Variants in MEPE observed in about 807,000 individuals in gnomAD.
MEPE encodes matrix, extracellular phosphoglycoprotein with ASARM motif (bone).
In MEPE, 7 loss-of-function variants were observed where a neutral mutation model predicts 7.3. The ratio of observed to expected loss-of-function variants is 0.95; its 90% CI spans 0.54 to 1.79. MEPE has a LOEUF of 1.79. Among genes scored for constraint, MEPE ranks in the 40% most tolerant of loss-of-function variants. The pLI is 0.00. For synonymous variants in MEPE, 214 were observed against 213.1 expected (o/e 1.00, Z -0.04); for missense variants, 623 against 628.2 (o/e 0.99, Z 0.09).
At chr4:87,829,085 C>T (rs1181196071), upstream of MEPE, among the ~76,000 whole-genome samples, 2 of 152,076 alleles carry the variant, frequency 1.3e-5, no homozygotes, top group African/African-American at 2.4e-5. Flanking sequence ...AATTTCAACA[C>T]AGAGGGCAAG....
intron 3 of MEPE, among the ~76,000 whole-genome samples, chr4:87,843,061 T>A (rs1047085778): frequency 1.3e-5 from 2 of 152,196 alleles, no homozygotes; most frequent in Admixed American, 1.3e-4. Flanking sequence ...AACATTCCAG[T>A]CCATTTTAGT....
chr4:87,838,679 G>A lies in MEPE; in HGVS notation c.102G>A (p.Glu34=), dbSNP rs555535372. Residue 34 remains glutamate (E), a synonymous_variant, in exon 3 of 4, where the codon GAG becomes GAA. Coordinates refer to ENST00000361056, the MANE Select transcript of MEPE (RefSeq NM_020203.6). ...TEKTKQSCVE[E]QRQEEKNKDN... is the part of the protein sequence containing the mutation. Reference sequence around the variant, plus strand: ...AAACTAAGCAAAGCTGTGTGGAAGAGCAGAGGGTAAACAGAATTCATCTTT... The same window carrying A: ...AAACTAAGCAAAGCTGTGTGGAAGAACAGAGGGTAAACAGAATTCATCTTT... 3.7e-6 allele frequency: 6 copies of A among 1,613,056 alleles called. No homozygotes were observed. The East Asian group carries it at 1.1e-4, about 30-fold the overall frequency.
upstream of MEPE, among the ~76,000 whole-genome samples, chr4:87,832,490 G>T (rs534214261): frequency 6.6e-6 from 1 of 151,970 alleles, no homozygotes; most frequent in Non-Finnish European, 1.5e-5. Flanking sequence ...CTCCCTTATT[G>T]GATTCTAAGC....
chr4:87,837,068 C>T (rs1413613687), intron 2 of MEPE, among the ~76,000 whole-genome samples: 2 of 152,140 alleles, frequency 1.3e-5, no homozygotes, highest in African/African-American at 4.8e-5. Flanking sequence ...TGCCAGAGTC[C>T]AGTCCAGAAA....
At position 87,833,009 on chromosome 4, in the gene MEPE, T is replaced by C. The variant is rs1002917147; in HGVS notation, c.-18T>C. The C allele has an allele frequency of 1.3e-5, 2 of 152,216 alleles. No individual in the cohort carries two copies. The highest frequency in any genetic ancestry group is 2.9e-5 in the Non-Finnish European group (2 of 68,036). The allele number at this position is 152,216 out of a possible 1,614,324, so 9.4% of individuals were successfully genotyped here. A position where few individuals can be genotyped will look rare whatever the true frequency, so the allele number is the denominator to read the frequency against. ...AGCCAGGTATTCTGAAGGTGAAAGA[T>C]ACCAGGTAATTTGGCTTTCATGTTC... On this transcript the variant is annotated 5_prime_UTR_variant, in exon 1 of 4. Coordinates refer to ENST00000361056, the MANE Select transcript of MEPE (RefSeq NM_020203.6).
intron 1 of MEPE, among the ~76,000 whole-genome samples, chr4:87,823,775 A>G (rs1722400383): frequency 6.6e-6 from 1 of 152,182 alleles, no homozygotes; most frequent in Non-Finnish European, 1.5e-5. Flanking sequence ...TTTCTTTTGA[A>G]AAGGAAAATC....
At chr4:87,826,420 T>C (rs112098583) in intron 1 of MEPE, among the ~76,000 whole-genome samples, 10,413 of 151,794 alleles carry the variant, frequency 0.069, 481 homozygotes, top group African/African-American at 0.13. Context: ...TGTTTTTTTT[T>C]GCTAGAGATG....
At chr4:87,824,255 T>C (rs1408519457) in intron 1 of MEPE, among the ~76,000 whole-genome samples, 1 of 152,242 alleles carries the variant, frequency 6.6e-6, no homozygotes, top group Non-Finnish European at 1.5e-5. Context: ...AGAACTAACC[T>C]ACAGCTAGAA....
rs146347424 is a variant in MEPE at position 87,843,735 on chromosome 4, T to C, written c.109-1242T>C. Among the ~76,000 whole-genome samples, 123 of 152,326 alleles carry C rather than the reference T, an allele frequency of 8.1e-4. 1 individual carries two copies. The highest frequency in any genetic ancestry group is 2.8e-3 in the African/African-American group (115 of 41,574). On this transcript the variant is annotated intron_variant, in intron 3 of 3. Coordinates refer to ENST00000361056, the MANE Select transcript of MEPE (RefSeq NM_020203.6). ...CTAATAGCTAAAATAGTTATTTAAATAAATCAGTCTCTTTTAGTTAAAAAT... is the reference window on the plus strand; with the variant it reads ...CTAATAGCTAAAATAGTTATTTAAACAAATCAGTCTCTTTTAGTTAAAAAT...
At chr4:87,828,829 C>T (rs1722532617), upstream of MEPE, among the ~76,000 whole-genome samples, 2 of 152,258 alleles carry the variant, frequency 1.3e-5, no homozygotes, top group South Asian at 4.1e-4. Flanking sequence ...GTGGAGGTGT[C>T]CATTTTTGAA....
chr4:87,832,202 C>G (rs974278299), upstream of MEPE, among the ~76,000 whole-genome samples: 1 of 152,092 alleles, frequency 6.6e-6, no homozygotes, highest in Admixed American at 6.6e-5. Flanking sequence ...GCCTTCATGA[C>G]TTAATCACCT....
At chr4:87,844,951 A>C (rs1723153528) in intron 3 of MEPE, 26 bp from the exon 4 acceptor site, 1 of 1,461,922 alleles carries the variant, frequency 6.8e-7, no homozygotes, top group Non-Finnish European at 9.1e-7. Flanking sequence ...TAAAATAATC[A>C]CTTCATATTG....
In MEPE at chr4:87,846,023, A is replaced by G; in HGVS notation, c.1155A>G (p.Glu385=). ...PPAPSKEKRK[E]GSSDAAESTN... ...CACCCTCAAAAGAGAAAAGAAAAGA[A>G]GGCAGTAGTGATGCAGCTGAAAGTA... Residue 385 remains glutamate (E), a synonymous_variant, in exon 4 of 4, where the codon GAA becomes GAG. Coordinates refer to ENST00000361056, the MANE Select transcript of MEPE (RefSeq NM_020203.6). The G allele has an allele frequency of 6.2e-7, 1 of 1,614,088 alleles. No homozygotes were observed. The highest frequency in any genetic ancestry group is 8.5e-7 in the Non-Finnish European group (1 of 1,179,982).
intron 3 of MEPE, 134 bp from the exon 4 acceptor site, chr4:87,844,843 C>T (rs1261135968): frequency 1.1e-5 from 7 of 649,296 alleles, no homozygotes; most frequent in African/African-American, 1.9e-5. Context: ...ATGACCTCTA[C>T]CAGTAAACCT....
Position 87,845,099 on chromosome 4 carries a change from C to T in MEPE, c.231C>T (p.Ala77=). Residue 77 remains alanine (A), a synonymous_variant, in exon 4 of 4, where the codon GCC becomes GCT. Transcript: ENST00000361056. ...ERKKDLSLSE[A]SENKGSSKSQ... is the part of the protein sequence containing the mutation. ...AGAAAGATTTGTCCCTTTCTGAAGC[C>T]AGTGAGAATAAGGGAAGTAGTAAAT... 2 of 1,613,644 alleles carry T rather than the reference C, an allele frequency of 1.2e-6. No individual in the cohort carries two copies. Among genetic ancestry groups the T allele is most frequent in the East Asian group, 2.2e-5 (1 of 44,862 alleles).
chr4:87,844,921 T>C, intron 3 of MEPE, 56 bp from the exon 4 acceptor site: 1 of 1,269,232 alleles, frequency 7.9e-7, no homozygotes, highest in Non-Finnish European at 1.1e-6. Context: ...TAAGAATTAT[T>C]ATATTTTAAA....
In MEPE at chr4:87,846,549, G is replaced by A. The variant is rs886680159; in HGVS notation, c.*103G>A. The A allele has an allele frequency of 3.0e-6, 4 of 1,340,258 alleles. No homozygotes were observed. The Admixed American group carries it at 9.1e-5, about 30-fold the overall frequency. 83.0% of individuals were successfully genotyped at this position (1,340,258 alleles called of 1,614,324 possible). ...CAGCTGACCAGGTGAAGAGAGGATA[G>A]AGTGAAGAACTGAGTGAGCCAAGAA... On this transcript the variant is annotated 3_prime_UTR_variant, in exon 4 of 4. Transcript: ENST00000361056.
upstream of MEPE, among the ~76,000 whole-genome samples, chr4:87,829,060 G>A (rs763635766): frequency 1.9e-4 from 29 of 152,040 alleles, no homozygotes; most frequent in Non-Finnish European, 3.8e-4. Flanking sequence ...AACTTATATT[G>A]AGTTTTTGAA....
chr4:87,845,186 G>A lies in MEPE; in HGVS notation c.318G>A (p.Glu106=). The change falls in exon 4 of 4, where the codon GAG becomes GAA. Residue 106 remains glutamate (E), a synonymous_variant. Coordinates refer to ENST00000361056, the MANE Select transcript of MEPE (RefSeq NM_020203.6). The stretch of plus-strand genomic sequence containing the variant: ...AAGAATATAGTATCAGTAACAAAGA[G>A]AATACTCACAATGGCCTGAGGATGT... ...LNKEYSISNK[E]NTHNGLRMSI... is the part of the protein sequence containing the mutation. 2 of 1,613,862 alleles carry A rather than the reference G, an allele frequency of 1.2e-6. No individual in the cohort carries two copies. The highest frequency in any genetic ancestry group is 1.7e-6 in the Non-Finnish European group (2 of 1,179,922).
Sources: gnomAD v4.1 joint callset for allele counts (sites outside exome capture counted in the v4.1 genomes callset) on GRCh38, gnomAD v4.1.1 for gene constraint, MANE v1.5 for transcripts, NCBI Gene and HGNC (gene_info 2026-07-23, HGNC 2026-07-21) for gene names.